MBNL3: variants seen among roughly 807,000 people sequenced by gnomAD.
MBNL3 encodes the protein muscleblind like splicing regulator 3, also known as muscleblind-like protein 3.
Under a neutral mutation model 24.5 loss-of-function variants are expected in MBNL3, and 6 were observed. The observed-to-expected ratio is 0.25, with a 90% confidence interval of 0.13 to 0.48. The LOEUF is 0.48. MBNL3 is among the 20% of genes least tolerant of loss of function. MBNL3 has a pLI of 0.99. For synonymous variants in MBNL3, 100 were observed against 101.7 expected (o/e 0.98, Z 0.10); for missense variants, 230 against 293.5 (o/e 0.78, Z 1.58).
At chrX:132,449,976 TG>T (rs1945982928) in intron 1 of MBNL3, among the ~76,000 whole-genome samples, 1 of 37,651 alleles carries the variant, frequency 2.7e-5, no homozygotes, top group Non-Finnish European at 4.9e-5. Context: ...TGCTGAATAT[TG>T]CCCCCCCCCC....
intron 1 of MBNL3, among the ~76,000 whole-genome samples, chrX:132,445,339 C>T (rs1945645842): frequency 9.1e-6 from 1 of 110,416 alleles, no homozygotes. Flanking sequence ...CGTTAGTGGT[C>T]CACCACCACA....
At chrX:132,451,608 G>A (rs1184501536) in intron 1 of MBNL3, among the ~76,000 whole-genome samples, 1 of 111,720 alleles carries the variant, frequency 9.0e-6, no homozygotes, top group Admixed American at 9.5e-5. Context: ...GCTGGGCTCT[G>A]TGGGGGTGGG....
chrX:132,389,661 C>T (rs976694959), intron 5 of MBNL3, among the ~76,000 whole-genome samples: 4 of 110,647 alleles, frequency 3.6e-5, no homozygotes, highest in Non-Finnish European at 7.6e-5. Context: ...GGGTTTTGTC[C>T]TTTACTGGGG....
At chrX:132,464,395 AAAAG>A (rs1946783385) in intron 1 of MBNL3, among the ~76,000 whole-genome samples, 1 of 112,223 alleles carries the variant, frequency 8.9e-6, no homozygotes, top group Non-Finnish European at 1.9e-5. Context: ...GCCCTCAGTG[AAAAG>A]AAATAATATG....
At chrX:132,457,351 A>G (rs1383173286) in intron 1 of MBNL3, among the ~76,000 whole-genome samples, 2 of 111,736 alleles carry the variant, frequency 1.8e-5, no homozygotes, top group Non-Finnish European at 3.8e-5. Context: ...GTTAAGTACC[A>G]ACATATATGG....
At chrX:132,477,946 C>T (rs947582968) in intron 1 of MBNL3, among the ~76,000 whole-genome samples, 123 of 111,836 alleles carry the variant, frequency 1.1e-3, no homozygotes, top group African/African-American at 3.9e-3. Context: ...AAAAAATAGA[C>T]ACCCACAGGT....
intron 1 of MBNL3, among the ~76,000 whole-genome samples, chrX:132,474,232 C>G (rs2148525867): frequency 9.0e-6 from 1 of 111,331 alleles, no homozygotes; most frequent in East Asian, 2.8e-4. Flanking sequence ...ACACTGAATC[C>G]TAGTGTAAAG....
intron 1 of MBNL3, among the ~76,000 whole-genome samples, chrX:132,488,559 G>A (rs1321335635): frequency 9.0e-6 from 1 of 110,534 alleles, no homozygotes; most frequent in Non-Finnish European, 1.9e-5. Flanking sequence ...AAAAGCATTT[G>A]CTGATTATAT....
At chrX:132,386,301 A>C (rs1400532844) in intron 6 of MBNL3, among the ~76,000 whole-genome samples, 2 of 111,654 alleles carry the variant, frequency 1.8e-5, no homozygotes, top group Admixed American at 9.5e-5. Context: ...ATAATATCGA[A>C]GCTGGGAGTT....
intron 8 of MBNL3, 72 bp from the exon 9 acceptor site, chrX:132,379,749 G>C: frequency 1.2e-6 from 1 of 859,893 alleles, no homozygotes. Context: ...AGAGTCAGGA[G>C]AGTGTGGTGG....
intron 1 of MBNL3, among the ~76,000 whole-genome samples, chrX:132,483,354 C>A (rs1205005299): frequency 8.9e-6 from 1 of 111,810 alleles, no homozygotes; most frequent in Non-Finnish European, 1.9e-5. Context: ...TTAAATGGAA[C>A]TCAGAAAAAC....
At position 132,484,955 on chromosome X, in the gene MBNL3, ACAC is replaced by A. The variant is rs1367546654; in HGVS notation, c.-704+3893_-704+3895del. Among the ~76,000 whole-genome samples, 22 of 110,074 alleles carry A rather than the reference ACAC, an allele frequency of 2.0e-4. No homozygotes were observed. The Admixed American group carries it at 2.0e-3, about 10-fold the overall frequency. ...CGCGCACACACACACACACACACAC[ACAC>A]ATTTAAATCAAGCCTCCTTTTATTC... On this transcript the variant is annotated intron_variant, in intron 1 of 8. Transcript: ENST00000370853.
At chrX:132,395,770 AAG>A (rs1938059623) in intron 3 of MBNL3, among the ~76,000 whole-genome samples, 1 of 111,552 alleles carries the variant, frequency 9.0e-6, no homozygotes, top group Non-Finnish European at 1.9e-5. Flanking sequence ...GGACTTCTCC[AAG>A]AGTCAGATAA....
chrX:132,485,576 T>C lies in MBNL3; in HGVS notation c.-704+3275A>G, dbSNP rs770476387. 1.6e-3 allele frequency among the ~76,000 whole-genome samples: 185 copies of C among 112,487 alleles called. 3 individuals carry two copies. The highest frequency in any genetic ancestry group is 9.1e-3 in the Middle Eastern group (2 of 219). On this transcript the variant is annotated intron_variant, in intron 1 of 8. Coordinates refer to ENST00000370853, the MANE Select transcript of MBNL3 (RefSeq NM_001386889.1). ...CTGTCATTTGGCTATCTTGAGGCAA[T>C]AGATAACCATTTAGGAAGAACAGAA...
At chrX:132,472,696 A>G (rs186437236) in intron 1 of MBNL3, among the ~76,000 whole-genome samples, 1 of 112,215 alleles carries the variant, frequency 8.9e-6, no homozygotes, top group Non-Finnish European at 1.9e-5. Flanking sequence ...CCAAAAGATA[A>G]TGCAGTAAAG....
chrX:132,449,977 G>GCTCCCC (rs1945984623), intron 1 of MBNL3, among the ~76,000 whole-genome samples: 1 of 25,460 alleles, frequency 3.9e-5, no homozygotes, highest in Non-Finnish European at 7.0e-5. Flanking sequence ...GCTGAATATT[G>GCTCCCC]CCCCCCCCCC....
In MBNL3 at chrX:132,378,725, T is replaced by A. The variant is rs1310153572; in HGVS notation, c.*941A>T. The A allele has an allele frequency of 8.9e-6, 1 of 111,935 alleles. No homozygotes were observed. Among genetic ancestry groups the A allele is most frequent in the Non-Finnish European group, 1.9e-5 (1 of 53,156 alleles). The allele number at this position is 111,935 out of a possible 1,213,427, so 9.2% of individuals were successfully genotyped here. Reference sequence around the variant, plus strand: ...AGACACTCAATTTAGGAGATGGGATTCTCAAGCCACACACACAAAAAATCT... The same window carrying A: ...AGACACTCAATTTAGGAGATGGGATACTCAAGCCACACACACAAAAAATCT... On this transcript the variant is annotated 3_prime_UTR_variant, in exon 9 of 9. Coordinates refer to ENST00000370853, the MANE Select transcript of MBNL3 (RefSeq NM_001386889.1).
intron 2 of MBNL3, chrX:132,431,693 T>C (rs1194630437): frequency 8.9e-6 from 1 of 111,938 alleles, no homozygotes; most frequent in Non-Finnish European, 1.9e-5. Context: ...TAATTGCTTC[T>C]AGGGCTTCCC....
chrX:132,469,070 G>A (rs781283444), intron 1 of MBNL3, among the ~76,000 whole-genome samples: 6 of 112,361 alleles, frequency 5.3e-5, no homozygotes, highest in African/African-American at 1.9e-4. Flanking sequence ...AGTAAAAAGT[G>A]AGCATCTTGT....
Sources: gnomAD v4.1 joint callset for allele counts (sites outside exome capture counted in the v4.1 genomes callset) on GRCh38, gnomAD v4.1.1 for gene constraint, MANE v1.5 for transcripts, NCBI Gene and HGNC (gene_info 2026-07-23, HGNC 2026-07-21) for gene names.